The following TADA2A variants were observed in gnomAD, a reference collection of about 807,000 sequenced individuals.
TADA2A encodes the protein transcriptional adaptor 2A.
A neutral mutation model predicts 67.4 loss-of-function variants in TADA2A; 38 were observed. The ratio of observed to expected loss-of-function variants is 0.56; its 90% confidence interval spans 0.44 to 0.74. The LOEUF (loss-of-function observed/expected upper bound fraction) is 0.74. TADA2A is among the 30% of genes least tolerant of loss of function. The pLI is 0.00. For synonymous variants in TADA2A, 192 were observed against 181.6 expected, an observed-to-expected ratio of 1.06 and a Z score of -0.46; for missense variants, 454 against 547.0, an observed-to-expected ratio of 0.83 and a Z score of 1.70.
At chr17:37,460,059 C>CCT in intron 9 of TADA2A, among the ~76,000 whole-genome samples, 1 of 151,138 alleles carries the variant, frequency 6.6e-6, no homozygotes, top group Middle Eastern at 3.4e-3. Context: ...GGGTGAGACT[C>CCT]CGTCTCAAAA....
chr17:37,427,764 G>C (rs989522576), intron 4 of TADA2A, among the ~76,000 whole-genome samples: 2 of 152,264 alleles, frequency 1.3e-5, no homozygotes, highest in Admixed American at 1.3e-4. Flanking sequence ...CAGATCACTT[G>C]AGGTCAGGAG....
chr17:37,474,700 C>A, intron 15 of TADA2A, 71 bp downstream of exon 15: 1 of 1,486,132 alleles, frequency 6.7e-7, no homozygotes, highest in Non-Finnish European at 9.2e-7. Flanking sequence ...ATTAAAAATC[C>A]ATTACAGGGT....
intron 8 of TADA2A, among the ~76,000 whole-genome samples, chr17:37,448,984 C>G (rs780584293): frequency 6.6e-6 from 1 of 151,842 alleles, no homozygotes; most frequent in Non-Finnish European, 1.5e-5. Context: ...TATTCACCTA[C>G]TGGCAGTTCC....
At chr17:37,442,132 A>G (rs1452942278) in intron 6 of TADA2A, among the ~76,000 whole-genome samples, 1 of 148,330 alleles carries the variant, frequency 6.7e-6, no homozygotes, top group African/African-American at 2.5e-5. Flanking sequence ...TCATGGGACT[A>G]GTGTGTGTTG....
At chr17:37,472,571 A>C (rs140441757) in intron 14 of TADA2A, among the ~76,000 whole-genome samples, 2 of 151,394 alleles carry the variant, frequency 1.3e-5, no homozygotes, top group African/African-American at 4.8e-5. Flanking sequence ...AAATGAAGGA[A>C]CTGGGTCAGG....
chr17:37,453,731 ATTGAAGCTTACTACC>A (rs2053294917), intron 8 of TADA2A, among the ~76,000 whole-genome samples: 1 of 135,990 alleles, frequency 7.4e-6, no homozygotes, highest in Non-Finnish European at 1.6e-5. Context: ...TCTATTTTGG[ATTGAAGCTTACTACC>A]TTGAAATAAC....
Position 37,446,389 on chromosome 17 carries a change from A to G in TADA2A, c.604+1621A>G, listed in dbSNP as rs569831922. The stretch of plus-strand genomic sequence containing the variant: ...GAAATGGTATTGTTTTCTGGCTTGT[A>G]TCTTTCTTATAGAATGCCAGACTAC... On this transcript the variant is annotated intron_variant, in intron 8 of 15. Coordinates refer to ENST00000615182, the MANE Select transcript of TADA2A (RefSeq NM_001166105.3). Among the ~76,000 whole-genome samples the G allele has an allele frequency of 4.6e-5, 7 of 152,114 alleles. No individual in the cohort carries two copies. In the East Asian group the frequency reaches 1.4e-3, roughly 29 times the overall value.
chr17:37,462,085 A>G lies in TADA2A; in HGVS notation c.676A>G (p.Arg226Gly). Residue 226 changes from arginine (R) to glycine (G), a missense_variant, in exon 10 of 16, where the codon AGA becomes GGA. Physicochemically the swap from Arg to Gly is moderately radical, Grantham distance 125. Coordinates refer to ENST00000615182, the MANE Select transcript of TADA2A (RefSeq NM_001166105.3). ...TGTGGCTTTTCATTCTAGAATTATAAGAGACCATGGATTAATCAACCTTAG... is the reference window on the plus strand; with the variant it reads ...TGTGGCTTTTCATTCTAGAATTATAGGAGACCATGGATTAATCAACCTTAG... ...KERQRRKKIIRDHGLINLRKF... is the reference protein window; with the variant it reads ...KERQRRKKIIGDHGLINLRKF... 1 of 1,574,382 alleles carries G rather than the reference A, an allele frequency of 6.4e-7. No individual in the cohort carries two copies. Among genetic ancestry groups the G allele is most frequent in the East Asian group, 2.3e-5 (1 of 44,408 alleles).
At chr17:37,437,902 AAGG>A in intron 5 of TADA2A, 73 bp downstream of exon 5, 1 of 1,393,022 alleles carries the variant, frequency 7.2e-7, no homozygotes, top group East Asian at 2.3e-5. Flanking sequence ...AGAGTAAAGG[AAGG>A]AACCTCAGGA....
chr17:37,430,372 C>T (rs2052534805), intron 4 of TADA2A, among the ~76,000 whole-genome samples: 1 of 152,116 alleles, frequency 6.6e-6, no homozygotes, highest in Non-Finnish European at 1.5e-5. Flanking sequence ...CAAATTTTAG[C>T]TTTCTACACA....
chr17:37,463,503 G>C (rs892445270), intron 10 of TADA2A, among the ~76,000 whole-genome samples: 1 of 152,018 alleles, frequency 6.6e-6, no homozygotes, highest in East Asian at 1.9e-4. Context: ...CTACTTGGGA[G>C]GCTGAGGCAG....
intron 14 of TADA2A, 64 bp from the exon 15 acceptor site, chr17:37,474,492 T>C: frequency 6.5e-7 from 1 of 1,536,152 alleles, no homozygotes; most frequent in African/African-American, 1.4e-5. Context: ...AACTTTTTAA[T>C]ACTTTACACC....
intron 5 of TADA2A, among the ~76,000 whole-genome samples, chr17:37,438,305 G>A (rs1038443227): frequency 6.6e-5 from 10 of 152,254 alleles, no homozygotes; most frequent in Admixed American, 2.6e-4. Flanking sequence ...CAAAACCGGC[G>A]GAATTGAATA....
chr17:37,458,653 G>C (rs1337137769), intron 9 of TADA2A, 66 bp downstream of exon 9: 1 of 1,165,530 alleles, frequency 8.6e-7, no homozygotes, highest in South Asian at 1.5e-5. Flanking sequence ...GTGTGTGTGT[G>C]TGTGTGTGTG....
chr17:37,440,065 T>C (rs2052865765), intron 5 of TADA2A, among the ~76,000 whole-genome samples: 1 of 151,746 alleles, frequency 6.6e-6, no homozygotes. Flanking sequence ...TGCCTCAGCC[T>C]CCCAAGTAGC....
At chr17:37,466,771 C>T (rs1321435809) in intron 11 of TADA2A, among the ~76,000 whole-genome samples, 2 of 152,144 alleles carry the variant, frequency 1.3e-5, no homozygotes, top group Non-Finnish European at 2.9e-5. Flanking sequence ...CAGGCTCTTC[C>T]TTCATTCTCT....
chr17:37,446,968 C>G (rs2053100378), intron 8 of TADA2A, among the ~76,000 whole-genome samples: 1 of 152,142 alleles, frequency 6.6e-6, no homozygotes, highest in South Asian at 2.1e-4. Context: ...GTTAGCTTTT[C>G]AAACCCATAA....
At chr17:37,437,245 C>G (rs1203993462) in intron 4 of TADA2A, among the ~76,000 whole-genome samples, 1 of 151,694 alleles carries the variant, frequency 6.6e-6, no homozygotes, top group Non-Finnish European at 1.5e-5. Flanking sequence ...GCGCTCACCA[C>G]CAGGCCCGGC....
At chr17:37,440,274 C>A (rs1246778289) in intron 5 of TADA2A, among the ~76,000 whole-genome samples, 1 of 152,008 alleles carries the variant, frequency 6.6e-6, no homozygotes, top group Admixed American at 6.6e-5. Flanking sequence ...AAAGAAAGGA[C>A]TTTTTAGTCA....
Sources: gnomAD v4.1 joint callset for allele counts (sites outside exome capture counted in the v4.1 genomes callset) on GRCh38, gnomAD v4.1.1 for gene constraint, MANE v1.5 for transcripts, NCBI Gene and HGNC (gene_info 2026-07-23, HGNC 2026-07-21) for gene names.